PKP4: variants seen among roughly 807,000 people sequenced by gnomAD.
PKP4 encodes plakophilin-4.
PKP4 carries 90 observed loss-of-function variants against 145.1 expected under a neutral mutation model. The observed-to-expected ratio is 0.62, with a 90% CI of 0.52 to 0.74. The LOEUF (loss-of-function observed/expected upper bound fraction) is 0.74, where lower values mean the gene tolerates loss of function less well. Among genes scored for constraint, PKP4 ranks in the 30% least tolerant of loss-of-function variants. PKP4 has a pLI of 0.00. For missense variants in PKP4, 1,340 were observed against 1,482.7 expected, an observed-to-expected ratio of 0.90 and a Z score of 1.58; for synonymous variants, 563 against 577.2, an observed-to-expected ratio of 0.98 and a Z score of 0.35.
chr2:158,459,252 G>T (rs1549086), intron 1 of PKP4, among the ~76,000 whole-genome samples: 1 of 152,144 alleles, frequency 6.6e-6, no homozygotes, highest in African/African-American at 2.4e-5. Context: ...GTGTTTCTGG[G>T]TGTTGAAAAG....
intron 12 of PKP4, chr2:158,658,935 G>A (rs1353196002): frequency 6.6e-6 from 1 of 152,362 alleles, no homozygotes; most frequent in Non-Finnish European, 1.5e-5. Flanking sequence ...CAGGGACAGA[G>A]AGAGTGGGCT....
intron 1 of PKP4, among the ~76,000 whole-genome samples, chr2:158,485,606 A>C (rs1249688080): frequency 6.6e-6 from 1 of 152,218 alleles, no homozygotes; most frequent in African/African-American, 2.4e-5. Context: ...AATGAATGAA[A>C]ATGATTTGAT....
chr2:158,628,696 T>G (rs1238917846), intron 7 of PKP4, among the ~76,000 whole-genome samples: 1 of 152,218 alleles, frequency 6.6e-6, no homozygotes, highest in Non-Finnish European at 1.5e-5. Context: ...GAAATCATAG[T>G]CTGTGCTTAC....
intron 4 of PKP4, among the ~76,000 whole-genome samples, chr2:158,616,587 G>T (rs777462737): frequency 2.6e-5 from 4 of 152,112 alleles, no homozygotes; most frequent in Non-Finnish European, 1.5e-5. Context: ...CCTTAACCTC[G>T]GGTGCTATTG....
At chr2:158,572,222 A>G (rs745762316) in intron 2 of PKP4, among the ~76,000 whole-genome samples, 1 of 152,212 alleles carries the variant, frequency 6.6e-6, no homozygotes, top group African/African-American at 2.4e-5. Context: ...ACATAGAGAA[A>G]TAGTGAATTG....
chr2:158,478,692 A>G (rs1692890329), intron 1 of PKP4, among the ~76,000 whole-genome samples: 1 of 152,252 alleles, frequency 6.6e-6, no homozygotes, highest in Non-Finnish European at 1.5e-5. Context: ...TTGAACTTTT[A>G]TTGTAAATGA....
intron 6 of PKP4, among the ~76,000 whole-genome samples, chr2:158,623,598 C>T (rs1002908018): frequency 6.6e-6 from 1 of 152,154 alleles, no homozygotes; most frequent in Non-Finnish European, 1.5e-5. Flanking sequence ...ATTGCCTTCC[C>T]AAAATTGTTG....
chr2:158,672,820 C>T (rs976120967), intron 17 of PKP4, among the ~76,000 whole-genome samples: 2 of 147,458 alleles, frequency 1.4e-5, no homozygotes, highest in Admixed American at 6.9e-5. Context: ...TTGTCCTCCT[C>T]CACTTCATGA....
intron 11 of PKP4, among the ~76,000 whole-genome samples, chr2:158,645,194 T>C (rs1351245411): frequency 6.6e-6 from 1 of 152,242 alleles, no homozygotes; most frequent in African/African-American, 2.4e-5. Context: ...TATTAATGCT[T>C]TAGCGCTTCT....
chr2:158,645,653 A>G (rs927560470), intron 11 of PKP4, among the ~76,000 whole-genome samples: 16 of 152,210 alleles, frequency 1.1e-4, no homozygotes, highest in African/African-American at 3.9e-4. Context: ...TTAACTAGCC[A>G]GATTCATCAT....
At chr2:158,496,618 G>A (rs1012493824) in intron 1 of PKP4, among the ~76,000 whole-genome samples, 1 of 152,100 alleles carries the variant, frequency 6.6e-6, no homozygotes, top group African/African-American at 2.4e-5. Flanking sequence ...CTTGTCTTTT[G>A]TCTCTCCAGA....
chr2:158,511,362 G>A (rs1472498782), intron 1 of PKP4, among the ~76,000 whole-genome samples: 1 of 152,004 alleles, frequency 6.6e-6, no homozygotes, highest in East Asian at 1.9e-4. Flanking sequence ...CTCCAGCCTC[G>A]GGGGGAGAGT....
intron 3 of PKP4, among the ~76,000 whole-genome samples, chr2:158,588,045 CT>C (rs1184305431): frequency 2.0e-5 from 3 of 151,822 alleles, no homozygotes; most frequent in Non-Finnish European, 4.4e-5. Context: ...TTTAACTGCT[CT>C]TGTATATTTA....
At chr2:158,630,447 A>AT (rs528628822) in intron 7 of PKP4, among the ~76,000 whole-genome samples, 2 of 152,134 alleles carry the variant, frequency 1.3e-5, no homozygotes, top group African/African-American at 4.8e-5. Flanking sequence ...TTTGGGTTTG[A>AT]TTTTTTTTAA....
intron 2 of PKP4, among the ~76,000 whole-genome samples, chr2:158,537,451 T>C (rs1299534472): frequency 6.6e-6 from 1 of 152,074 alleles, no homozygotes; most frequent in Non-Finnish European, 1.5e-5. Context: ...ACTAAAGAAA[T>C]GTTAAGAATT....
chr2:158,566,522 C>G (rs998795933), intron 2 of PKP4, among the ~76,000 whole-genome samples: 12 of 150,208 alleles, frequency 8.0e-5, no homozygotes, highest in Non-Finnish European at 1.5e-4. Flanking sequence ...TAAGTCATTA[C>G]TAGTTTTTGT....
At chr2:158,611,062 G>T (rs1158509779) in intron 4 of PKP4, among the ~76,000 whole-genome samples, 3 of 152,224 alleles carry the variant, frequency 2.0e-5, no homozygotes, top group Non-Finnish European at 4.4e-5. Flanking sequence ...ACAAGTGAGA[G>T]AAATTTTCTG....
intron 2 of PKP4, among the ~76,000 whole-genome samples, chr2:158,550,628 C>A (rs1444966304): frequency 1.3e-5 from 2 of 152,212 alleles, no homozygotes; most frequent in Non-Finnish European, 2.9e-5. Flanking sequence ...ACTGTCTGTT[C>A]TGATAGACTG....
intron 11 of PKP4, among the ~76,000 whole-genome samples, chr2:158,651,426 G>A (rs2055352054): frequency 1.1e-5 from 1 of 94,184 alleles, no homozygotes; most frequent in Non-Finnish European, 2.5e-5. Context: ...GCCCCTCCTA[G>A]CCCATTGGCC....
Sources: allele counts gnomAD v4.1 joint callset (sites outside exome capture counted in the v4.1 genomes callset), GRCh38; gene constraint gnomAD v4.1.1; transcripts MANE v1.5; gene names NCBI Gene and HGNC (gene_info 2026-07-23, HGNC 2026-07-21).